QTMAN: variants seen among roughly 807,000 people sequenced by gnomAD.
The protein encoded by QTMAN is tRNA-queuosine alpha-mannosyltransferase.
chr2:144,143,041 G>A, the QTMAN span, among the ~76,000 whole-genome samples: 3 of 151,920 alleles, frequency 2.0e-5, no homozygotes, highest in South Asian at 6.2e-4. Context: ...TGATCACAAG[G>A]GTAAACAACC....
chr2:144,220,257 G>T, the QTMAN span, among the ~76,000 whole-genome samples: 1 of 152,150 alleles, frequency 6.6e-6, no homozygotes, highest in Non-Finnish European at 1.5e-5. Context: ...GTTAATAATA[G>T]ATTGGGATTT....
At chr2:144,327,601 G>T in the QTMAN span, among the ~76,000 whole-genome samples, 14 of 152,132 alleles carry the variant, frequency 9.2e-5, no homozygotes, top group East Asian at 2.5e-3. Flanking sequence ...TCATGCAAAT[G>T]AAAAGCTGAC....
At chr2:144,178,835 C>A in the QTMAN span, 1 of 350,404 alleles carries the variant, frequency 2.9e-6, no homozygotes, top group South Asian at 2.3e-5. Flanking sequence ...AAAGAGTCAC[C>A]AAGGAGCTTC....
At chr2:144,325,849 T>C in the QTMAN span, among the ~76,000 whole-genome samples, 24 of 152,332 alleles carry the variant, frequency 1.6e-4, no homozygotes, top group Admixed American at 3.9e-4. Context: ...GTTGCAGTCA[T>C]TGCATTTTTA....
the QTMAN span, among the ~76,000 whole-genome samples, chr2:144,105,583 T>G: frequency 6.6e-6 from 1 of 152,130 alleles, no homozygotes; most frequent in Non-Finnish European, 1.5e-5. Context: ...GAGCAAAGCC[T>G]CCAAGAAATA....
chr2:143,994,016 C>T, the QTMAN span, among the ~76,000 whole-genome samples: 1 of 152,138 alleles, frequency 6.6e-6, no homozygotes, highest in African/African-American at 2.4e-5. Flanking sequence ...AAAGGTTATA[C>T]ATTTTATCTT....
the QTMAN span, among the ~76,000 whole-genome samples, chr2:144,046,200 T>C: frequency 1.3e-5 from 2 of 152,314 alleles, no homozygotes; most frequent in Non-Finnish European, 2.9e-5. Context: ...AGATTTGATA[T>C]TGAATAATGA....
At chr2:144,076,629 G>A in the QTMAN span, among the ~76,000 whole-genome samples, 1 of 152,050 alleles carries the variant, frequency 6.6e-6, no homozygotes, top group Non-Finnish European at 1.5e-5. Context: ...AACAACACGG[G>A]ACAATGCAAA....
At chr2:144,251,344 C>T in the QTMAN span, among the ~76,000 whole-genome samples, 1 of 152,056 alleles carries the variant, frequency 6.6e-6, no homozygotes, top group African/African-American at 2.4e-5. Context: ...ATCAATGGAA[C>T]AGAAGAGAGA....
chr2:144,326,991 TGCTACGACGTG>T, the QTMAN span, among the ~76,000 whole-genome samples: 2 of 152,198 alleles, frequency 1.3e-5, no homozygotes, highest in African/African-American at 2.4e-5. Flanking sequence ...TCCAGTCTTT[TGCTACGACGTG>T]GGTGTGTTAG....
the QTMAN span, among the ~76,000 whole-genome samples, chr2:144,289,971 A>T: frequency 6.6e-6 from 1 of 152,260 alleles, no homozygotes; most frequent in East Asian, 1.9e-4. Flanking sequence ...ATGTGTAAAC[A>T]GACTGTAACC....
the QTMAN span, among the ~76,000 whole-genome samples, chr2:144,321,512 C>T: frequency 2.0e-5 from 3 of 152,186 alleles, no homozygotes; most frequent in Non-Finnish European, 4.4e-5. Context: ...TTCACAAACG[C>T]AGTCATAAAT....
chr2:144,254,267 C>T, the QTMAN span, among the ~76,000 whole-genome samples: 1 of 152,010 alleles, frequency 6.6e-6, no homozygotes, highest in Non-Finnish European at 1.5e-5. Flanking sequence ...ACTAAAAATA[C>T]AAAAATTAGT....
chr2:144,069,308 A>C, the QTMAN span, among the ~76,000 whole-genome samples: 1 of 151,954 alleles, frequency 6.6e-6, no homozygotes, highest in African/African-American at 2.4e-5. Context: ...AAAAAAAAAA[A>C]AAAAACACCT....
chr2:144,145,744 G>T, the QTMAN span: 1 of 1,605,480 alleles, frequency 6.2e-7, no homozygotes, highest in Non-Finnish European at 8.5e-7. Context: ...AGGGTCCTAG[G>T]AAACAAGAAA....
At chr2:143,963,008 A>C in the QTMAN span, among the ~76,000 whole-genome samples, 2 of 152,160 alleles carry the variant, frequency 1.3e-5, no homozygotes, top group African/African-American at 2.4e-5. Flanking sequence ...GTACTTCATT[A>C]CTGGTAAAAT....
chr2:143,967,273 C>A, the QTMAN span, among the ~76,000 whole-genome samples: 1 of 152,026 alleles, frequency 6.6e-6, no homozygotes, highest in Admixed American at 6.6e-5. Context: ...AGAACCATAT[C>A]CCTACAAATG....
chr2:144,234,432 AT>A, the QTMAN span, among the ~76,000 whole-genome samples: 14 of 152,120 alleles, frequency 9.2e-5, no homozygotes, highest in African/African-American at 3.4e-4. Context: ...GGAGAGGTCT[AT>A]TTTCTACAAA....
At chr2:144,305,898 A>G in the QTMAN span, among the ~76,000 whole-genome samples, 1 of 152,168 alleles carries the variant, frequency 6.6e-6, no homozygotes, top group Non-Finnish European at 1.5e-5. Flanking sequence ...GTATATTGCT[A>G]TTATACCTTG....
Sources: gnomAD v4.1 joint callset for allele counts (sites outside exome capture counted in the v4.1 genomes callset) on GRCh38, gnomAD v4.1.1 for gene constraint, MANE v1.5 for transcripts, NCBI Gene and HGNC (gene_info 2026-07-23, HGNC 2026-07-21) for gene names.